Variants in CSMD1 observed in about 807,000 individuals in gnomAD.
CSMD1 encodes CUB and sushi domain-containing protein 1.
Under a neutral mutation model 417.5 loss-of-function variants are expected in CSMD1, and 213 were observed. The observed-to-expected ratio is 0.51, with a 90% CI of 0.46 to 0.57. The LOEUF (loss-of-function observed/expected upper bound fraction) is 0.57. CSMD1 is among the 20% of genes least tolerant of loss of function. CSMD1 has a pLI of 0.00. For missense variants in CSMD1, 6,923 were observed against 4,529.7 expected (o/e 1.53, Z -15.17); for synonymous variants, 2,862 against 1,736.8 (o/e 1.65, Z -16.11).
In CSMD1 at chr8:4,644,436, C is replaced by T. The variant is rs148114005; in HGVS notation, c.86-6878G>A. On this transcript the variant is annotated intron_variant, in intron 1 of 69. Transcript: ENST00000635120. ...GCCCTATTTTTTTTTGAGACAGAGT[C>T]TCTCTCTGTCACCAGGCTAGAGTGC... Among the ~76,000 whole-genome samples the T allele has an allele frequency of 7.8e-3, 1,181 of 151,954 alleles. 10 individuals are homozygous for T. Among genetic ancestry groups the T allele is most frequent in the African/African-American group, 0.017 (712 of 41,402 alleles).
intron 6 of CSMD1, among the ~76,000 whole-genome samples, chr8:3,722,231 C>A (rs1294859672): frequency 6.6e-6 from 1 of 152,050 alleles, no homozygotes; most frequent in Non-Finnish European, 1.5e-5. Flanking sequence ...ATTGCTTGAC[C>A]AGGGAGGCAG....
chr8:4,288,714 A>G (rs2680606), intron 3 of CSMD1, among the ~76,000 whole-genome samples: 15,721 of 152,164 alleles, frequency 0.1, 974 homozygotes, highest in South Asian at 0.17. Context: ...TGGATTTTTA[A>G]GCAAATCTAT....
At chr8:4,238,508 G>A (rs1030876992) in intron 3 of CSMD1, among the ~76,000 whole-genome samples, 6 of 152,178 alleles carry the variant, frequency 3.9e-5, no homozygotes, top group African/African-American at 9.7e-5. Context: ...GTGACTAGAG[G>A]CACAGGCCCC....
intron 1 of CSMD1, among the ~76,000 whole-genome samples, chr8:4,718,758 G>A (rs1199351300): frequency 6.6e-6 from 1 of 151,676 alleles, no homozygotes; most frequent in Non-Finnish European, 1.5e-5. Flanking sequence ...TTTTATAAAA[G>A]AAAATACTCT....
chr8:4,069,387 C>G (rs1490147280), intron 3 of CSMD1, among the ~76,000 whole-genome samples: 1 of 152,144 alleles, frequency 6.6e-6, no homozygotes, highest in Non-Finnish European at 1.5e-5. Context: ...ATGCTTTCGT[C>G]TGTTTTCTGA....
intron 2 of CSMD1, among the ~76,000 whole-genome samples, chr8:4,480,526 C>T (rs913291099): frequency 4.6e-5 from 7 of 152,206 alleles, no homozygotes; most frequent in Admixed American, 1.3e-4. Flanking sequence ...GAAATTTCTC[C>T]GCCTTTTTGC....
intron 1 of CSMD1, among the ~76,000 whole-genome samples, chr8:4,965,665 C>G (rs934946180): frequency 6.6e-6 from 1 of 152,164 alleles, no homozygotes; most frequent in African/African-American, 2.4e-5. Flanking sequence ...AGTACATGCT[C>G]TTAGTCTCCC....
intron 46 of CSMD1, 138 bp downstream of exon 46, chr8:3,106,390 C>T (rs1013681641): frequency 3.5e-6 from 2 of 569,262 alleles, no homozygotes; most frequent in Non-Finnish European, 6.0e-6. Flanking sequence ...AGAGTAAGAC[C>T]CTATCTCCAA....
intron 3 of CSMD1, among the ~76,000 whole-genome samples, chr8:4,370,862 C>T (rs911434785): frequency 6.6e-6 from 1 of 152,184 alleles, no homozygotes; most frequent in Non-Finnish European, 1.5e-5. Context: ...TCTGTTTCAA[C>T]CTCCTCTTGT....
chr8:4,012,682 C>A (rs1395990065), intron 4 of CSMD1, among the ~76,000 whole-genome samples: 4 of 152,154 alleles, frequency 2.6e-5, no homozygotes, highest in Non-Finnish European at 5.9e-5. Context: ...CTTTATGTAT[C>A]CAACTCCCTA....
intron 2 of CSMD1, among the ~76,000 whole-genome samples, chr8:4,581,396 G>C (rs866300605): frequency 3.9e-4 from 60 of 152,218 alleles, no homozygotes; most frequent in Middle Eastern, 3.4e-3. Flanking sequence ...ATATGTTTAA[G>C]ATATGACTCC....
chr8:3,654,874 G>A (rs1798026616), intron 7 of CSMD1, among the ~76,000 whole-genome samples: 2 of 152,120 alleles, frequency 1.3e-5, no homozygotes, highest in African/African-American at 4.8e-5. Flanking sequence ...TGCCAGCTCT[G>A]CAACAGACTG....
intron 3 of CSMD1, among the ~76,000 whole-genome samples, chr8:4,068,337 T>C (rs766819555): frequency 6.6e-6 from 1 of 151,862 alleles, no homozygotes; most frequent in Non-Finnish European, 1.5e-5. Context: ...AGCATGAGAG[T>C]GGGGCTCAAA....
chr8:3,684,001 A>G (rs1455130819), intron 7 of CSMD1, among the ~76,000 whole-genome samples: 1 of 151,400 alleles, frequency 6.6e-6, no homozygotes, highest in Non-Finnish European at 1.5e-5. Context: ...TCATTAGAAC[A>G]CATTCAAATT....
chr8:3,502,655 G>A (rs746463315), intron 10 of CSMD1, among the ~76,000 whole-genome samples: 9 of 152,162 alleles, frequency 5.9e-5, no homozygotes, highest in Non-Finnish European at 1.0e-4. Context: ...ACATTTCGGA[G>A]AAGGCAGAAC....
At chr8:4,225,354 G>A (rs1007814550) in intron 3 of CSMD1, among the ~76,000 whole-genome samples, 1 of 152,042 alleles carries the variant, frequency 6.6e-6, no homozygotes, top group African/African-American at 2.4e-5. Context: ...CCTAAAATAT[G>A]TAATTAACAA....
rs746875853 is a variant in CSMD1, at chr8:2,938,726, T to C, written c.10554A>G (p.Gln3518=). ...TTTCATGCCCAGCATAGCCATTGTA[T>C]TGAACTTTTGGTCTCGTTCTAAGGA... is the stretch of plus-strand genomic sequence containing the variant. ...LYKHRTRPKV[Q]YNGYAGHENS... The change falls in exon 70 of 70, where the codon CAA becomes CAG. Residue 3518 remains glutamine, a synonymous_variant. Coordinates refer to ENST00000635120, the MANE Select transcript of CSMD1 (RefSeq NM_033225.6). The C allele has an allele frequency of 9.3e-6, 15 of 1,609,644 alleles. No homozygotes were observed. Among genetic ancestry groups the C allele is most frequent in the Middle Eastern group, 1.6e-4 (1 of 6,078 alleles).
chr8:3,563,654 G>A (rs7834268), intron 10 of CSMD1, among the ~76,000 whole-genome samples: 3,221 of 152,204 alleles, frequency 0.021, 121 homozygotes, highest in African/African-American at 0.072. Flanking sequence ...ACTTTGGGAG[G>A]CTGAGGCGGG....
At chr8:4,728,962 T>C (rs567842957) in intron 1 of CSMD1, among the ~76,000 whole-genome samples, 38 of 152,122 alleles carry the variant, frequency 2.5e-4, no homozygotes, top group Non-Finnish European at 4.7e-4. Flanking sequence ...GAGATAGAGA[T>C]GGACAGCTGC....
Sources: gnomAD v4.1 joint callset for allele counts (sites outside exome capture counted in the v4.1 genomes callset) on GRCh38, gnomAD v4.1.1 for gene constraint, MANE v1.5 for transcripts, NCBI Gene and HGNC (gene_info 2026-07-23, HGNC 2026-07-21) for gene names.